MTHFD1: variants seen among roughly 807,000 people sequenced by gnomAD.
MTHFD1 encodes the protein methylenetetrahydrofolate dehydrogenase, cyclohydrolase and formyltetrahydrofolate synthetase 1, also known as C-1-tetrahydrofolate synthase, cytoplasmic.
MTHFD1 carries 44 observed loss-of-function variants against 110.3 expected under a neutral mutation model. That is an observed-to-expected ratio of 0.40 (90% CI 0.31 to 0.51). MTHFD1 has a LOEUF of 0.51. Ranked by LOEUF, MTHFD1 falls within the 20% of genes least tolerant of loss-of-function variation. The pLI is 0.60. For synonymous variants in MTHFD1, 402 were observed against 428.8 expected, an observed-to-expected ratio of 0.94 and a Z score of 0.77; for missense variants, 909 against 1,173.1, an observed-to-expected ratio of 0.77 and a Z score of 3.29.
rs761680655 is a variant in MTHFD1 at position 64,426,144 on chromosome 14, T to C, written c.1079T>C (p.Leu360Pro). ...ETKAKVLLSA[L>P]ERLKHRPDGK... Reference sequence around the variant, plus strand: ...AAGGCCAAAGTTCTGCTGTCAGCACTAGAACGCCTGAAGCACCGGCCTGAT... The same window carrying C: ...AAGGCCAAAGTTCTGCTGTCAGCACCAGAACGCCTGAAGCACCGGCCTGAT... The change falls in exon 11 of 28, where the codon CTA becomes CCA. Residue 360 changes from leucine (L) to proline (P), a missense_variant. Physicochemically the swap from Leu to Pro is moderately conservative, Grantham distance 98 (BLOSUM62 -3). Transcript: ENST00000652337. 1 of 1,614,164 alleles carries C rather than the reference T, an allele frequency of 6.2e-7. No individual in the cohort carries two copies. The highest frequency in any genetic ancestry group is 8.5e-7 in the Non-Finnish European group (1 of 1,180,038).
At position 64,396,455 on chromosome 14, in the gene MTHFD1, G is replaced by C. The variant is rs556823864; in HGVS notation, c.42-4338G>C. Among the ~76,000 whole-genome samples the C allele has an allele frequency of 2.8e-5, 4 of 144,880 alleles. 1 individual carries two copies. The South Asian group carries it at 8.8e-4, about 32-fold the overall frequency. ...TGCCTAGGCTGGAGTGCAATGGCGC[G>C]ATCTCGGCTCACCGCAACCTCTGCC... On this transcript the variant is annotated intron_variant, in intron 1 of 27. Transcript: ENST00000652337.
At chr14:64,401,928 A>G (rs1338005823) in intron 2 of MTHFD1, among the ~76,000 whole-genome samples, 2 of 152,180 alleles carry the variant, frequency 1.3e-5, no homozygotes, top group Admixed American at 1.3e-4. Flanking sequence ...CTCTGCATTC[A>G]GTCTTTTGCT....
chr14:64,456,264 A>C (rs745408377), intron 26 of MTHFD1, among the ~76,000 whole-genome samples: 1 of 152,188 alleles, frequency 6.6e-6, no homozygotes, highest in Non-Finnish European at 1.5e-5. Flanking sequence ...TTTAACTTTA[A>C]GTTGGACCAA....
At chr14:64,393,427 A>AT (rs1389635578) in intron 1 of MTHFD1, among the ~76,000 whole-genome samples, 1 of 151,890 alleles carries the variant, frequency 6.6e-6, no homozygotes, top group African/African-American at 2.4e-5. Context: ...AAAAAAAAAA[A>AT]TTTGCCTGTA....
chr14:64,442,294 A>G lies in MTHFD1; in HGVS notation c.2028A>G (p.Gly676=), dbSNP rs755313657. The G allele has an allele frequency of 6.2e-7, 1 of 1,614,204 alleles. No homozygotes were observed. The highest frequency in any genetic ancestry group is 1.1e-5 in the South Asian group (1 of 91,086). Reference sequence around the variant, plus strand: ...AAGCAGGATTTGGAGCAGACATTGGAATGGAAAAGTTTTTTAACATCAAAT... The same window carrying G: ...AAGCAGGATTTGGAGCAGACATTGGGATGGAAAAGTTTTTTAACATCAAAT... ...VTEAGFGADI[G]MEKFFNIKCR... The change falls in exon 21 of 28, where the codon GGA becomes GGG. Residue 676 remains glycine, a synonymous_variant. Coordinates refer to ENST00000652337, the MANE Select transcript of MTHFD1 (RefSeq NM_005956.4).
Position 64,417,817 on chromosome 14 carries a change from T to G in MTHFD1, c.479-71T>G. The G allele has an allele frequency of 6.3e-7, 1 of 1,596,560 alleles. No individual in the cohort carries two copies. On this transcript the variant is annotated intron_variant, in intron 6 of 27. Coordinates refer to ENST00000652337, the MANE Select transcript of MTHFD1 (RefSeq NM_005956.4). The surrounding 1 kb of genome is among the most constrained non-coding windows in gnomAD (Gnocchi z 4.4). ...CCTGTTTTTGTGCACTTATTCTAAT[T>G]TCTCCACGTGGCATGCGAAGGAGGG...
chr14:64,391,974 G>C (rs1252988085), intron 1 of MTHFD1, among the ~76,000 whole-genome samples: 1 of 152,002 alleles, frequency 6.6e-6, no homozygotes, highest in African/African-American at 2.4e-5. Context: ...TGAGCTGGTG[G>C]GAAGCACAAA....
In MTHFD1 at chr14:64,439,149, A is replaced by G. The variant is rs1457015930; in HGVS notation, c.1651A>G (p.Thr551Ala). The G allele has an allele frequency of 1.2e-6, 2 of 1,613,924 alleles. No homozygotes were observed. The highest frequency in any genetic ancestry group is 2.7e-5 in the African/African-American group (2 of 74,926). Residue 551 changes from threonine to alanine, a missense_variant, in exon 17 of 28, where the codon ACG becomes GCG. Thr to Ala is a moderately conservative substitution (Grantham distance 58). Around this residue, in one of 3 missense-constraint regions of MTHFD1, gnomAD observed 482 missense variants for 646.0 expected, o/e 0.75. Coordinates refer to ENST00000652337, the MANE Select transcript of MTHFD1 (RefSeq NM_005956.4). ...GAAGATCACGATTGGACAGGCTCCA[A>G]CGGAGAAGGGTCACACACGGACGGT... is the stretch of plus-strand genomic sequence containing the variant. ...LRKITIGQAP[T>A]EKGHTRTAQF...
chr14:64,438,997 A>T, intron 16 of MTHFD1, 99 bp from the exon 17 acceptor site: 2 of 841,152 alleles, frequency 2.4e-6, no homozygotes, highest in Non-Finnish European at 4.1e-6. Context: ...TTGATAGACA[A>T]TCATGAAATT....
In MTHFD1 at chr14:64,415,714, A is replaced by G. The variant is rs898391325; in HGVS notation, c.453A>G (p.Gly151=). Residue 151 remains glycine (G), a synonymous_variant, in exon 6 of 28, where the codon GGA becomes GGG. Transcript: ENST00000652337. The stretch of plus-strand genomic sequence containing the variant: ...GTTTCATTCCTTGTACGCCTAAGGG[A>G]TGCTTGGAACTCATCAAAGAGACAG... ...NDCFIPCTPK[G]CLELIKETGV... 6.2e-7 allele frequency: 1 copy of G among 1,614,088 alleles called. No individual in the cohort carries two copies. The highest frequency in any genetic ancestry group is 8.5e-7 in the Non-Finnish European group (1 of 1,179,984).
intron 2 of MTHFD1, among the ~76,000 whole-genome samples, chr14:64,405,889 T>C (rs956781925): frequency 2.6e-5 from 4 of 152,070 alleles, no homozygotes; most frequent in Non-Finnish European, 5.9e-5. Context: ...AAGAGTGTTT[T>C]AGATGTTGGA....
chr14:64,421,760 A>T (rs1004079253), intron 8 of MTHFD1, among the ~76,000 whole-genome samples: 1 of 151,902 alleles, frequency 6.6e-6, no homozygotes, highest in Non-Finnish European at 1.5e-5. Flanking sequence ...AGTAGCTGGG[A>T]CTACAGGCGC....
chr14:64,441,522 A>G (rs2078246645), intron 19 of MTHFD1, 69 bp downstream of exon 19: 1 of 1,468,878 alleles, frequency 6.8e-7, no homozygotes, highest in Non-Finnish European at 9.5e-7. Context: ...TATAAAGCAC[A>G]CTTGCAAGGC....
At chr14:64,444,672 C>T (rs199979100) in intron 21 of MTHFD1, 21 bp from the exon 22 acceptor site, 1 of 1,613,996 alleles carries the variant, frequency 6.2e-7, no homozygotes, top group Non-Finnish European at 8.5e-7. Flanking sequence ...ATGCCTCTGA[C>T]TCTGTTTCTT....
chr14:64,458,741 GAA>G, intron 27 of MTHFD1: 1 of 220,624 alleles, frequency 4.5e-6, no homozygotes, highest in Non-Finnish European at 9.1e-6. Context: ...AAGTATAATA[GAA>G]AAGAGAAGGA....
At chr14:64,453,723 A>G (rs774766160) in intron 24 of MTHFD1, 31 bp from the exon 25 acceptor site, 1 of 1,311,128 alleles carries the variant, frequency 7.6e-7, no homozygotes, top group Non-Finnish European at 1.1e-6. Flanking sequence ...GTGTCCAGTC[A>G]TGGTGTCCCC....
At chr14:64,429,911 G>T (rs1254374570) in intron 12 of MTHFD1, among the ~76,000 whole-genome samples, 1 of 152,166 alleles carries the variant, frequency 6.6e-6, no homozygotes, top group African/African-American at 2.4e-5. Flanking sequence ...GTAACTGTCA[G>T]CTGGGTGTTT....
At chr14:64,455,162 GCC>G (rs991438825) in intron 26 of MTHFD1, 1 of 420,970 alleles carries the variant, frequency 2.4e-6, no homozygotes, top group African/African-American at 2.0e-5. Flanking sequence ...TCTAGGATGA[GCC>G]CAGTTGATAG....
rs910816871 is a variant in MTHFD1, at chr14:64,429,566, C to G, written c.1265-618C>G. ...AAATTCTAAACTTTTTGAGTGCTGA[C>G]ACGATGCTCAAAGGACATGCTCATT... On this transcript the variant is annotated intron_variant, in intron 12 of 27. Transcript: ENST00000652337. 3.3e-5 allele frequency among the ~76,000 whole-genome samples: 5 copies of G among 152,230 alleles called. No individual in the cohort carries two copies. The South Asian group carries it at 1.0e-3, about 32-fold the overall frequency.
Sources: allele counts gnomAD v4.1 joint callset (sites outside exome capture counted in the v4.1 genomes callset), GRCh38; gene constraint gnomAD v4.1.1; regional missense constraint gnomAD v4.1.1; non-coding constraint Gnocchi (gnomAD v3.1); transcripts MANE v1.5; gene names NCBI Gene and HGNC (gene_info 2026-07-23, HGNC 2026-07-21).